MED13: variants seen among roughly 807,000 people sequenced by gnomAD.
MED13 encodes mediator complex subunit 13, also known as mediator of RNA polymerase II transcription subunit 13.
Under a neutral mutation model 225.2 loss-of-function variants are expected in MED13, and 23 were observed. The ratio of observed to expected loss-of-function variants is 0.10; its 90% CI spans 0.07 to 0.14. The LOEUF (loss-of-function observed/expected upper bound fraction) is 0.14, where lower values mean the gene tolerates loss of function less well. Among genes scored for constraint, MED13 ranks in the 10% least tolerant of loss-of-function variants. MED13 has a pLI of 1.00. For missense variants in MED13, 2,197 were observed against 2,594.5 expected, an observed-to-expected ratio of 0.85 and a Z score of 3.33; for synonymous variants, 942 against 889.2, an observed-to-expected ratio of 1.06 and a Z score of -1.06.
rs1179882148 is a variant in MED13, at chr17:62,058,082, T to C, written c.301+4985A>G. ...ATCTTGCTCTGAAGCAAATTAACAG[T>C]ACACTTAAAAGTACCAGTCCTACCC... On this transcript the variant is annotated intron_variant, in intron 2 of 29. Transcript: ENST00000397786. Among the ~76,000 whole-genome samples, 3 of 152,172 alleles carry C rather than the reference T, an allele frequency of 2.0e-5. No individual in the cohort carries two copies. The East Asian group carries it at 5.8e-4, about 29-fold the overall frequency.
chr17:61,971,271 T>C (rs555036541), intron 17 of MED13, among the ~76,000 whole-genome samples: 1 of 150,728 alleles, frequency 6.6e-6, no homozygotes, highest in South Asian at 2.1e-4. Context: ...TAAATAAATA[T>C]CTACTTTTTT....
chr17:62,039,552 TA>T lies in MED13; in HGVS notation c.471-3945del, dbSNP rs376662655. ...CCTACCTCGGCCTCCCAAAGTGCTATAAATTACAGGCATGAACCACCGCACC... is the reference window on the plus strand; with the variant it reads ...CCTACCTCGGCCTCCCAAAGTGCTATAATTACAGGCATGAACCACCGCACC... On this transcript the variant is annotated intron_variant, in intron 3 of 29. Transcript: ENST00000397786. Among the ~76,000 whole-genome samples, 940 of 151,324 alleles carry T rather than the reference TA, an allele frequency of 6.2e-3. 8 individuals carry two copies. The highest frequency in any genetic ancestry group is 0.021 in the African/African-American group (886 of 41,230).
In MED13 at chr17:61,943,749, T is replaced by A. The variant is rs1018830181; in HGVS notation, c.*2719A>T. The A allele has an allele frequency of 6.6e-6, 1 of 152,600 alleles. No individual in the cohort carries two copies. Among genetic ancestry groups the A allele is most frequent in the African/African-American group, 2.4e-5 (1 of 41,458 alleles). 9.5% of individuals were successfully genotyped at this position (152,600 alleles called of 1,614,324 possible). On this transcript the variant is annotated 3_prime_UTR_variant, in exon 30 of 30. Transcript: ENST00000397786. ...CTTGCATAAGAAAGGTATGGCTAGA[T>A]GTTTCTCACTGGCTGGAAGCAGACA... is the stretch of plus-strand genomic sequence containing the variant.
chr17:62,030,046 G>T (rs749029865), intron 6 of MED13, 33 bp from the exon 7 acceptor site: 1 of 1,447,884 alleles, frequency 6.9e-7, no homozygotes, highest in Admixed American at 2.4e-5. Context: ...GGCTGTAGGA[G>T]AATAAAGGTA....
chr17:62,043,527 C>T (rs111688045), intron 3 of MED13, among the ~76,000 whole-genome samples: 3 of 152,292 alleles, frequency 2.0e-5, no homozygotes, highest in African/African-American at 7.2e-5. Context: ...AAAGCATACT[C>T]ACAATTTAGC....
At position 62,029,671 on chromosome 17, in the gene MED13, A is replaced by T; in HGVS notation, c.1173-20T>A. ...TTCCTCCTAAGATTTAAAGTTACAA[A>T]ATTCTTTAAAATTCATAAAATTTTC... On this transcript the variant is annotated intron_variant, in intron 7 of 29. Coordinates refer to ENST00000397786, the MANE Select transcript of MED13 (RefSeq NM_005121.3). The T allele has an allele frequency of 6.3e-7, 1 of 1,585,332 alleles. No individual in the cohort carries two copies. Among genetic ancestry groups the T allele is most frequent in the Non-Finnish European group, 8.6e-7 (1 of 1,161,860 alleles).
chr17:61,971,275 CT>C (rs758826223), intron 17 of MED13, among the ~76,000 whole-genome samples: 3,451 of 136,306 alleles, frequency 0.025, 29 homozygotes, highest in Non-Finnish European at 0.033. Context: ...TAAATATCTA[CT>C]TTTTTTTTTT....
intron 2 of MED13, among the ~76,000 whole-genome samples, chr17:62,057,010 T>G (rs2081001035): frequency 6.6e-6 from 1 of 152,056 alleles, no homozygotes; most frequent in African/African-American, 2.4e-5. Context: ...AATAATTCTC[T>G]ATCAATGGGG....
At chr17:62,046,256 G>T (rs1031162459) in intron 3 of MED13, among the ~76,000 whole-genome samples, 9 of 152,102 alleles carry the variant, frequency 5.9e-5, no homozygotes, top group Non-Finnish European at 1.3e-4. Context: ...CTTGATTTTT[G>T]TCCTACTTGC....
intron 2 of MED13, among the ~76,000 whole-genome samples, chr17:62,057,151 A>G (rs1330276633): frequency 6.6e-6 from 1 of 152,236 alleles, no homozygotes; most frequent in Non-Finnish European, 1.5e-5. Context: ...AAACTATTAA[A>G]ATGTAACATA....
intron 8 of MED13, among the ~76,000 whole-genome samples, chr17:62,025,596 G>T (rs1360056615): frequency 6.7e-6 from 1 of 148,674 alleles, no homozygotes; most frequent in Non-Finnish European, 1.5e-5. Flanking sequence ...CTTGAACCTG[G>T]GAGGCGGAGG....
At chr17:61,977,805 T>C (rs920367628) in intron 16 of MED13, among the ~76,000 whole-genome samples, 3 of 151,474 alleles carry the variant, frequency 2.0e-5, no homozygotes, top group Non-Finnish European at 4.4e-5. Context: ...TTTTCTTTCT[T>C]CTCTCAAACT....
chr17:62,032,603 T>C (rs2080767531), intron 5 of MED13: 1 of 152,154 alleles, frequency 6.6e-6, no homozygotes, highest in Non-Finnish European at 1.5e-5. Context: ...ACTTTCTCCA[T>C]GCCTCCTCTC....
intron 16 of MED13, among the ~76,000 whole-genome samples, chr17:61,979,078 T>C (rs1338326778): frequency 6.6e-6 from 1 of 152,230 alleles, no homozygotes; most frequent in Non-Finnish European, 1.5e-5. Flanking sequence ...TTTATGTGCA[T>C]GTAAATAATA....
intron 20 of MED13, among the ~76,000 whole-genome samples, chr17:61,963,819 C>T (rs1953173822): frequency 1.3e-5 from 2 of 152,126 alleles, no homozygotes; most frequent in African/African-American, 4.8e-5. Flanking sequence ...TATAATTAAG[C>T]TCTGGCCAAC....
intron 17 of MED13, among the ~76,000 whole-genome samples, chr17:61,969,573 G>A (rs1442445338): frequency 6.6e-6 from 1 of 151,974 alleles, no homozygotes; most frequent in Non-Finnish European, 1.5e-5. Flanking sequence ...TAAGAGCGCA[G>A]ATCTCATGTT....
chr17:61,988,625 G>A (rs1339401622), intron 11 of MED13, among the ~76,000 whole-genome samples: 2 of 152,132 alleles, frequency 1.3e-5, no homozygotes, highest in Non-Finnish European at 2.9e-5. Flanking sequence ...CACATTTTGA[G>A]AAAGCTGAAC....
In MED13 at chr17:61,982,789, A is replaced by G. The variant is rs1603396778; in HGVS notation, c.3214T>C (p.Tyr1072His). 1 of 1,614,254 alleles carries G rather than the reference A, an allele frequency of 6.2e-7. No individual in the cohort carries two copies. Among genetic ancestry groups the G allele is most frequent in the Non-Finnish European group, 8.5e-7 (1 of 1,180,044 alleles). ...VPSIPEAHSL[Y>H]VNLILSESVM... ...GATTCTGAAAGGATGAGGTTTACAT[A>G]AAGACTGTGTGCTTCAGGGATGGAA... The change falls in exon 16 of 30, where the codon TAT becomes CAT. Residue 1072 changes from tyrosine to histidine, a missense_variant. Tyr to His is a moderately conservative substitution (Grantham distance 83, BLOSUM62 2). Transcript: ENST00000397786.
At chr17:62,034,580 C>G (rs1340163640) in intron 4 of MED13, among the ~76,000 whole-genome samples, 1 of 151,614 alleles carries the variant, frequency 6.6e-6, no homozygotes, top group Non-Finnish European at 1.5e-5. Flanking sequence ...ACTTTGACTC[C>G]CACTAAGAAA....
Sources: allele counts gnomAD v4.1 joint callset (sites outside exome capture counted in the v4.1 genomes callset), GRCh38; gene constraint gnomAD v4.1.1; transcripts MANE v1.5; gene names NCBI Gene and HGNC (gene_info 2026-07-23, HGNC 2026-07-21).